Variants in MACF1 observed in about 807,000 individuals in gnomAD.
MACF1 encodes microtubule actin crosslinking factor 1.
In MACF1, 193 loss-of-function variants were observed where a neutral mutation model predicts 854.8. That is an observed-to-expected ratio of 0.23 (90% CI 0.20 to 0.25). MACF1 has a LOEUF of 0.25. Ranked by LOEUF, MACF1 falls within the 10% of genes least tolerant of loss-of-function variation. The pLI, the probability that MACF1 is intolerant of heterozygous loss-of-function variation, is 1.00. For missense variants in MACF1, 7,722 were observed against 8,929.1 expected, an observed-to-expected ratio of 0.86 and a Z score of 5.45; for synonymous variants, 3,185 against 3,226.7, an observed-to-expected ratio of 0.99 and a Z score of 0.44.
chr1:39,208,844 C>T (rs546106685), intron 1 of MACF1, among the ~76,000 whole-genome samples: 4 of 150,886 alleles, frequency 2.7e-5, no homozygotes, highest in Admixed American at 6.6e-5. Context: ...AGGCTGGTCT[C>T]GAACTCTTGA....
chr1:39,461,867 G>A lies in MACF1; in HGVS notation c.21524-16G>A. 1 of 1,480,834 alleles carries A rather than the reference G, an allele frequency of 6.8e-7. No individual in the cohort carries two copies. Among genetic ancestry groups the A allele is most frequent in the South Asian group, 1.1e-5 (1 of 87,974 alleles). 91.7% of individuals were successfully genotyped at this position (1,480,834 alleles called of 1,614,324 possible). On this transcript the variant is annotated splice_polypyrimidine_tract_variant and intron_variant, in intron 92 of 100. Transcript: ENST00000564288. Reference sequence around the variant, plus strand: ...TACCCCTCTTAATGTTTCAAAATATGATTCCTTTTCTCCAGAGTTCCCCAC... The same window carrying A: ...TACCCCTCTTAATGTTTCAAAATATAATTCCTTTTCTCCAGAGTTCCCCAC...
chr1:39,244,110 AT>A (rs764929664), intron 2 of MACF1, among the ~76,000 whole-genome samples: 10 of 151,098 alleles, frequency 6.6e-5, no homozygotes, highest in African/African-American at 1.2e-4. Context: ...TTTATTAAAA[AT>A]TTTTTTTGGG....
intron 6 of MACF1, among the ~76,000 whole-genome samples, chr1:39,270,858 T>A (rs1026352929): frequency 6.6e-6 from 1 of 152,206 alleles, no homozygotes; most frequent in Non-Finnish European, 1.5e-5. Flanking sequence ...ATACAAATTC[T>A]GAGCAATCTG....
intron 1 of MACF1, among the ~76,000 whole-genome samples, chr1:39,209,464 T>G (rs543907955): frequency 6.6e-6 from 1 of 152,262 alleles, no homozygotes; most frequent in South Asian, 2.1e-4. Flanking sequence ...TATGGTTTTT[T>G]TCCTCTCTAG....
intron 6 of MACF1, among the ~76,000 whole-genome samples, chr1:39,279,614 C>T (rs924779322): frequency 6.6e-6 from 1 of 152,034 alleles, no homozygotes; most frequent in Non-Finnish European, 1.5e-5. Context: ...AACACCCAGA[C>T]CAAAAATTGT....
chr1:39,294,924 C>T, intron 18 of MACF1, 122 bp from the exon 19 acceptor site: 2 of 673,190 alleles, frequency 3.0e-6, no homozygotes, highest in Admixed American at 5.1e-5. Flanking sequence ...GTTTATACAT[C>T]TCATTTTGCC....
Position 39,381,970 on chromosome 1 carries a change from G to A in MACF1, c.13666G>A (p.Ala4556Thr), listed in dbSNP as rs750623229. 1.9e-6 allele frequency: 3 copies of A among 1,613,890 alleles called. No homozygotes were observed. In the South Asian group the frequency reaches 3.3e-5, roughly 18 times the overall value. ...QEELNSRWER[A>T]TEVTVARQRQ... ...CTCTACAGATTCCCGATGGGAAAGG[G>A]CCACTGAGGTTACTGTGGCTCGGCA... Residue 4556 changes from alanine to threonine, a missense_variant, in exon 56 of 101, where the codon GCC becomes ACC. Around this residue, in one of 15 missense-constraint regions of MACF1, gnomAD observed 2,807 missense variants for 3,235.8 expected, o/e 0.87. Transcript: ENST00000564288.
chr1:39,412,190 A>G (rs772642176), intron 58 of MACF1: 1 of 1,613,968 alleles, frequency 6.2e-7, no homozygotes, highest in South Asian at 1.1e-5. Flanking sequence ...ACTGAGGGGA[A>G]TGGTGAGGAG....
Position 39,274,164 on chromosome 1 carries a change from T to G in MACF1, c.529-8044T>G, listed in dbSNP as rs1645387725. 2.6e-5 allele frequency among the ~76,000 whole-genome samples: 4 copies of G among 151,992 alleles called. No individual in the cohort carries two copies. In the South Asian group the frequency reaches 8.3e-4, roughly 32 times the overall value. On this transcript the variant is annotated intron_variant, in intron 6 of 100. Transcript: ENST00000564288. ...GACTTATTATACTATTCTGTCTCCT[T>G]TTGTATATATTTGAAAATTTCCATT...
intron 63 of MACF1, 62 bp from the exon 64 acceptor site, chr1:39,429,180 C>A: frequency 1.2e-6 from 1 of 836,680 alleles, no homozygotes; most frequent in Non-Finnish European, 2.0e-6. Flanking sequence ...TCTTAAAGGT[C>A]TCGCATTTTG....
chr1:39,389,189 A>G (rs1033005408), intron 58 of MACF1, among the ~76,000 whole-genome samples: 6 of 151,418 alleles, frequency 4.0e-5, no homozygotes, highest in South Asian at 2.1e-4. Flanking sequence ...GCATTTTTCT[A>G]TTGTAGTTTA....
intron 61 of MACF1, among the ~76,000 whole-genome samples, chr1:39,426,537 C>G (rs1643732117): frequency 6.6e-6 from 1 of 152,264 alleles, no homozygotes; most frequent in East Asian, 1.9e-4. Context: ...CTTGTCTGTT[C>G]CTTGTCAGGC....
intron 58 of MACF1, chr1:39,414,287 G>A (rs1171274512): frequency 6.2e-7 from 1 of 1,614,044 alleles, no homozygotes; most frequent in Admixed American, 1.7e-5. Flanking sequence ...CCCTTCCTGG[G>A]AGTTTCTGCC....
chr1:39,171,696 G>A (rs1643951300), intron 2 of MACF1, among the ~76,000 whole-genome samples: 2 of 152,260 alleles, frequency 1.3e-5, no homozygotes, highest in South Asian at 4.1e-4. Context: ...TGCTATCGCG[G>A]CTCACTGCAA....
At chr1:39,206,536 G>A (rs1198462014) in intron 1 of MACF1, 1 of 152,090 alleles carries the variant, frequency 6.6e-6, no homozygotes, top group Non-Finnish European at 1.5e-5. Context: ...AGCTATCACT[G>A]TATTTTAAGT....
rs144313302 is a variant in MACF1 at position 39,351,403 on chromosome 1, C to T, written c.11199+385C>T. On this transcript the variant is annotated intron_variant, in intron 43 of 100. Coordinates refer to ENST00000564288, the MANE Select transcript of MACF1 (RefSeq NM_001394062.1). Reference sequence around the variant, plus strand: ...GTTTTTACAAGAATCTTTATTTTTACAAGAAATGTCCAGGAGGAGTTTAAG... The same window carrying T: ...GTTTTTACAAGAATCTTTATTTTTATAAGAAATGTCCAGGAGGAGTTTAAG... Among the ~76,000 whole-genome samples, 225 of 152,114 alleles carry T rather than the reference C, an allele frequency of 1.5e-3. 1 individual carries two copies. In the Middle Eastern group the frequency reaches 0.038, roughly 25 times the overall value.
chr1:39,385,148 A>G (rs1650571271), intron 56 of MACF1, among the ~76,000 whole-genome samples: 2 of 152,106 alleles, frequency 1.3e-5, no homozygotes, highest in Admixed American at 6.5e-5. Context: ...GCTCACTGCA[A>G]CCTCGGCCTC....
intron 14 of MACF1, among the ~76,000 whole-genome samples, chr1:39,286,906 T>A (rs1047917511): frequency 6.6e-6 from 1 of 152,238 alleles, no homozygotes; most frequent in African/African-American, 2.4e-5. Flanking sequence ...TCACCTTGTA[T>A]TCATATAACA....
Position 39,333,326 on chromosome 1 carries a change from A to G in MACF1, c.6738A>G (p.Ala2246=). The G allele has an allele frequency of 1.2e-6, 2 of 1,614,128 alleles. No homozygotes were observed. The highest frequency in any genetic ancestry group is 1.7e-6 in the Non-Finnish European group (2 of 1,180,020). The change falls in exon 37 of 101, where the codon GCA becomes GCG. Residue 2246 remains alanine, a synonymous_variant. Coordinates refer to ENST00000564288, the MANE Select transcript of MACF1 (RefSeq NM_001394062.1). ...ATGACCATAAAGAAAGTCAAGAAGC[A>G]CAGAACATCGCAGGTGGTAGTATGA... ...AKDDHKESQE[A]QNIAGGSMMM...
Sources: allele counts gnomAD v4.1 joint callset (sites outside exome capture counted in the v4.1 genomes callset), GRCh38; gene constraint gnomAD v4.1.1; regional missense constraint gnomAD v4.1.1; transcripts MANE v1.5; gene names NCBI Gene and HGNC (gene_info 2026-07-23, HGNC 2026-07-21).